VPS53: variants seen among roughly 807,000 people sequenced by gnomAD.
VPS53 encodes vacuolar protein sorting-associated protein 53 homolog.
Under a neutral mutation model 107.0 loss-of-function variants are expected in VPS53, and 70 were observed. That is an observed-to-expected ratio of 0.65 (90% CI 0.54 to 0.80). The LOEUF (loss-of-function observed/expected upper bound fraction) is 0.80, where lower values mean the gene tolerates loss of function less well. Ranked by LOEUF, VPS53 falls within the 30% of genes least tolerant of loss-of-function variation. The pLI is 0.00. For missense variants in VPS53, 917 were observed against 1,049.4 expected (o/e 0.87, Z 1.74); for synonymous variants, 409 against 393.3 (o/e 1.04, Z -0.47).
chr17:615,003 T>C, intron 11 of VPS53, among the ~76,000 whole-genome samples: 1 of 152,166 alleles, frequency 6.6e-6, no homozygotes, highest in Non-Finnish European at 1.5e-5. Context: ...GCTAATCCGA[T>C]CTAGTCTGCT....
intron 6 of VPS53, 80 bp from the exon 7 acceptor site, chr17:653,490 T>G: frequency 1.3e-6 from 2 of 1,591,262 alleles, no homozygotes; most frequent in Non-Finnish European, 1.7e-6. Flanking sequence ...CCACGCTAGC[T>G]CTCAAACAGA....
chr17:603,220 T>C (rs1968405327), intron 11 of VPS53, among the ~76,000 whole-genome samples: 1 of 152,022 alleles, frequency 6.6e-6, no homozygotes, highest in South Asian at 2.1e-4. Context: ...GGTCAGGAGT[T>C]CAAGACCAGC....
chr17:669,652 G>C (rs1339184935), intron 4 of VPS53, among the ~76,000 whole-genome samples: 1 of 150,202 alleles, frequency 6.7e-6, no homozygotes, highest in Non-Finnish European at 1.5e-5. Context: ...CCAGCACTTT[G>C]GGAGGCTGAG....
intron 4 of VPS53, among the ~76,000 whole-genome samples, chr17:670,697 A>T (rs954357465): frequency 6.6e-6 from 1 of 152,178 alleles, no homozygotes; most frequent in Non-Finnish European, 1.5e-5. Flanking sequence ...TTATCCTGTG[A>T]GTCCGCAGGC....
chr17:651,495 G>A (rs1298846035), intron 7 of VPS53, among the ~76,000 whole-genome samples: 1 of 152,162 alleles, frequency 6.6e-6, no homozygotes, highest in Non-Finnish European at 1.5e-5. Context: ...GGAAACTGTG[G>A]TGGGAGGATC....
Position 562,688 on chromosome 17 carries a change from A to C in VPS53, c.1371T>G (p.Pro457=). 1 of 1,613,756 alleles carries C rather than the reference A, an allele frequency of 6.2e-7. No individual in the cohort carries two copies. Among genetic ancestry groups the C allele is most frequent in the Non-Finnish European group, 8.5e-7 (1 of 1,179,924 alleles). The change falls in exon 14 of 22, where the codon CCT becomes CCG. Residue 457 remains proline, a synonymous_variant. Transcript: ENST00000437048. Reference sequence around the variant, plus strand: ...CACCCCCTTCATCAGTGTTGGGCTTAGGTGGCCCCTGGGCTTTGAAATCAG... The same window carrying C: ...CACCCCCTTCATCAGTGTTGGGCTTCGGTGGCCCCTGGGCTTTGAAATCAG... The part of the protein sequence containing the change: ...FVADFKAQGP[P]KPNTDEGGAV...
In VPS53 at chr17:513,141, G is replaced by A. The variant is rs562805932; in HGVS notation, c.*5987C>T. On this transcript the variant is annotated 3_prime_UTR_variant, in exon 22 of 22. Coordinates refer to ENST00000437048, the MANE Select transcript of VPS53 (RefSeq NM_001128159.3). ...AGGGAGAAGGGCAGCCACCAGGAGC[G>A]GCCAGGGTCACGGACTTGCTACTTC... The A allele has an allele frequency of 5.9e-5, 9 of 152,402 alleles. No homozygotes were observed. In the East Asian group the frequency reaches 9.6e-4, roughly 16 times the overall value. 9.4% of individuals were successfully genotyped at this position (152,402 alleles called of 1,614,324 possible).
In VPS53 at chr17:689,145, G is replaced by A. The variant is rs73283517; in HGVS notation, c.285+8273C>T. ...CTTTCTTCAATTTTTATCAATCAAT[G>A]GGCTTCATTTTCCTCCCAAGAGAGG... On this transcript the variant is annotated intron_variant, in intron 4 of 21. Coordinates refer to ENST00000437048, the MANE Select transcript of VPS53 (RefSeq NM_001128159.3). Among the ~76,000 whole-genome samples the A allele has an allele frequency of 1.0e-2, 1,514 of 152,150 alleles. 25 individuals are homozygous for A. The highest frequency in any genetic ancestry group is 0.034 in the African/African-American group (1,416 of 41,490).
chr17:532,631 C>T, intron 19 of VPS53: 1 of 1,305,050 alleles, frequency 7.7e-7, no homozygotes. Context: ...GTGTTATACC[C>T]TGCACCCAGA....
intron 17 of VPS53, among the ~76,000 whole-genome samples, chr17:546,770 G>A (rs371623690): frequency 2.0e-5 from 3 of 151,964 alleles, no homozygotes; most frequent in Non-Finnish European, 2.9e-5. Context: ...AAGGTACAAC[G>A]GCACAGTCAC....
chr17:598,400 A>C (rs181634327), intron 12 of VPS53, among the ~76,000 whole-genome samples: 3 of 149,450 alleles, frequency 2.0e-5, no homozygotes, highest in African/African-American at 4.9e-5. Flanking sequence ...GGGAAGTGAG[A>C]AGCGTCTCTG....
chr17:706,265 G>A (rs751946175), intron 2 of VPS53, among the ~76,000 whole-genome samples: 2 of 152,086 alleles, frequency 1.3e-5, no homozygotes, highest in African/African-American at 4.8e-5. Flanking sequence ...CAGGCCAGGC[G>A]TGGTGGCTCA....
chr17:575,441 G>A (rs902505249), intron 13 of VPS53, among the ~76,000 whole-genome samples: 5 of 152,186 alleles, frequency 3.3e-5, no homozygotes, highest in South Asian at 2.1e-4. Flanking sequence ...AACCTAATAC[G>A]TTCCCAGAGA....
Position 672,408 on chromosome 17 carries a change from A to G in VPS53, c.286-10513T>C, listed in dbSNP as rs151290881. On this transcript the variant is annotated intron_variant, in intron 4 of 21. Coordinates refer to ENST00000437048, the MANE Select transcript of VPS53 (RefSeq NM_001128159.3). Reference sequence around the variant, plus strand: ...AAGAGAGTCTTGAATGAGTTTATAAAGCACTCAGCTCACAGAAAGTGCTCA... The same window carrying G: ...AAGAGAGTCTTGAATGAGTTTATAAGGCACTCAGCTCACAGAAAGTGCTCA... 7.2e-3 allele frequency among the ~76,000 whole-genome samples: 1,103 copies of G among 152,284 alleles called. 9 individuals are homozygous for G. The highest frequency in any genetic ancestry group is 0.014 in the Middle Eastern group (4 of 294).
chr17:514,973 T>C lies in VPS53; in HGVS notation c.*4155A>G, dbSNP rs1908200548. 1.3e-5 allele frequency: 2 copies of C among 152,174 alleles called. No homozygotes were observed. Among genetic ancestry groups the C allele is most frequent in the Admixed American group, 6.5e-5 (1 of 15,286 alleles). The allele number at this position is 152,174 out of a possible 1,614,324, so 9.4% of individuals were successfully genotyped here. On this transcript the variant is annotated 3_prime_UTR_variant, in exon 22 of 22. Transcript: ENST00000437048. ...GTCCATTGCGGCTCCTGTTTCATTGTTAAGAGTCCACACAGGATGTTCTCT... is the reference window on the plus strand; with the variant it reads ...GTCCATTGCGGCTCCTGTTTCATTGCTAAGAGTCCACACAGGATGTTCTCT...
intron 11 of VPS53, among the ~76,000 whole-genome samples, chr17:617,415 T>C (rs1969192130): frequency 6.6e-6 from 1 of 152,188 alleles, no homozygotes; most frequent in South Asian, 2.1e-4. Flanking sequence ...TCCTTTTCTG[T>C]TTTTTTGAGA....
At chr17:655,751 T>C (rs925844545) in intron 6 of VPS53, 87 bp downstream of exon 6, 3 of 1,255,764 alleles carry the variant, frequency 2.4e-6, no homozygotes, top group African/African-American at 3.0e-5. Flanking sequence ...GAGACTTTCC[T>C]GGCTGAGAAG....
intron 6 of VPS53, among the ~76,000 whole-genome samples, chr17:654,544 C>T (rs896259494): frequency 6.6e-6 from 1 of 151,958 alleles, no homozygotes; most frequent in African/African-American, 2.4e-5. Flanking sequence ...CGAGACCATC[C>T]TGGCTAACAC....
At chr17:641,251 C>T (rs1970415152) in intron 7 of VPS53, among the ~76,000 whole-genome samples, 1 of 152,216 alleles carries the variant, frequency 6.6e-6, no homozygotes, top group Admixed American at 6.5e-5. Flanking sequence ...AGACCCAAAC[C>T]TCAATCCCAT....
Sources: allele counts gnomAD v4.1 joint callset (sites outside exome capture counted in the v4.1 genomes callset), GRCh38; gene constraint gnomAD v4.1.1; transcripts MANE v1.5; gene names NCBI Gene and HGNC (gene_info 2026-07-23, HGNC 2026-07-21).